Variants in PPP2R3A observed in about 807,000 individuals in gnomAD.
PPP2R3A encodes the protein protein phosphatase 2 regulatory subunit B''alpha, also known as serine/threonine-protein phosphatase 2A regulatory subunit B'' subunit alpha.
In PPP2R3A, 80 loss-of-function variants were observed where a neutral mutation model predicts 106.9. The ratio of observed to expected loss-of-function variants is 0.75; its 90% confidence interval spans 0.62 to 0.90. The LOEUF (loss-of-function observed/expected upper bound fraction) is 0.90, where lower values mean the gene tolerates loss of function less well. PPP2R3A is among the 40% of genes least tolerant of loss of function. The pLI is 0.00. For synonymous variants in PPP2R3A, 483 were observed against 468.3 expected (o/e 1.03, Z -0.41); for missense variants, 1,386 against 1,350.4 (o/e 1.03, Z -0.41).
At chr3:136,023,249 A>C (rs1363358043) in intron 2 of PPP2R3A, 1 of 1,001,188 alleles carries the variant, frequency 1.0e-6, no homozygotes, top group Admixed American at 2.7e-5. Context: ...TTTGTTTTGA[A>C]AATATTTTTA....
At chr3:136,139,691 CAAA>C (rs778189558) in intron 13 of PPP2R3A, among the ~76,000 whole-genome samples, 1,371 of 54,704 alleles carry the variant, frequency 0.025, 23 homozygotes, top group East Asian at 0.11. Context: ...GACTCCATCT[CAAA>C]AAAAAAAAAA....
At chr3:136,013,230 C>G (rs1008446073) in intron 2 of PPP2R3A, among the ~76,000 whole-genome samples, 1 of 146,792 alleles carries the variant, frequency 6.8e-6, no homozygotes. Context: ...ATGTATGTAT[C>G]ACATTTTGTT....
chr3:136,133,111 T>C (rs1938486704), intron 13 of PPP2R3A, among the ~76,000 whole-genome samples: 2 of 151,936 alleles, frequency 1.3e-5, no homozygotes, highest in Admixed American at 6.6e-5. Context: ...CAAAGGAAAA[T>C]CTTTGTGACC....
intron 2 of PPP2R3A, among the ~76,000 whole-genome samples, chr3:136,021,542 T>C (rs1339630925): frequency 6.6e-6 from 1 of 152,096 alleles, no homozygotes; most frequent in African/African-American, 2.4e-5. Context: ...TAGGAAACAG[T>C]GGAAAACCAA....
chr3:136,114,775 A>T (rs1471813622), intron 13 of PPP2R3A, among the ~76,000 whole-genome samples: 3 of 152,234 alleles, frequency 2.0e-5, no homozygotes, highest in Non-Finnish European at 4.4e-5. Context: ...AAAGGCAGCA[A>T]CTACAGTCAG....
chr3:136,004,192 A>C (rs1352311764), intron 2 of PPP2R3A, among the ~76,000 whole-genome samples: 1 of 152,216 alleles, frequency 6.6e-6, no homozygotes, highest in East Asian at 1.9e-4. Flanking sequence ...CCATCCCCCT[A>C]CTGAAAGCAC....
At chr3:136,114,989 G>C (rs1241975107) in intron 13 of PPP2R3A, among the ~76,000 whole-genome samples, 1 of 152,160 alleles carries the variant, frequency 6.6e-6, no homozygotes, top group East Asian at 1.9e-4. Context: ...CTCCCAGTAG[G>C]GGCCAACAGA....
chr3:136,053,896 CCTT>C (rs761869917), intron 5 of PPP2R3A, among the ~76,000 whole-genome samples: 27 of 152,146 alleles, frequency 1.8e-4, no homozygotes, highest in Non-Finnish European at 3.4e-4. Context: ...ACTACCTTGT[CCTT>C]CTTAAACATG....
At position 136,012,634 on chromosome 3, in the gene PPP2R3A, G is replaced by A. The variant is rs374971845; in HGVS notation, c.1995+9141G>A. On this transcript the variant is annotated intron_variant, in intron 2 of 13. Coordinates refer to ENST00000264977, the MANE Select transcript of PPP2R3A (RefSeq NM_002718.5). ...AAAAAAAAATAGTAACACAGAACAA[G>A]CCACTAAATAATGAAGAAAACACCA... 1.3e-4 allele frequency among the ~76,000 whole-genome samples: 19 copies of A among 151,846 alleles called. No individual in the cohort carries two copies. In the South Asian group the frequency reaches 4.0e-3, roughly 32 times the overall value.
chr3:136,099,189 G>GA (rs555699709), intron 10 of PPP2R3A, among the ~76,000 whole-genome samples: 94 of 152,074 alleles, frequency 6.2e-4, no homozygotes, highest in African/African-American at 2.1e-3. Context: ...CATCCCCAAG[G>GA]AAAAAAACCA....
At chr3:136,115,363 T>C (rs1014434802) in intron 13 of PPP2R3A, among the ~76,000 whole-genome samples, 3 of 152,052 alleles carry the variant, frequency 2.0e-5, no homozygotes, top group South Asian at 4.1e-4. Flanking sequence ...CACAACTCCT[T>C]GCCAGCAAGG....
intron 13 of PPP2R3A, among the ~76,000 whole-genome samples, chr3:136,144,109 A>T (rs1939000263): frequency 6.6e-6 from 1 of 152,234 alleles, no homozygotes; most frequent in Non-Finnish European, 1.5e-5. Context: ...AAAATATTTC[A>T]TCTCTGCCTA....
chr3:135,999,430 T>G (rs960474239), intron 1 of PPP2R3A, among the ~76,000 whole-genome samples: 2 of 152,164 alleles, frequency 1.3e-5, no homozygotes, highest in Admixed American at 6.5e-5. Flanking sequence ...GTGGATTAGA[T>G]TCCATGTCTA....
At chr3:136,010,673 A>C (rs1934036428) in intron 2 of PPP2R3A, among the ~76,000 whole-genome samples, 1 of 151,880 alleles carries the variant, frequency 6.6e-6, no homozygotes, top group East Asian at 2.0e-4. Context: ...TGATCCGCCC[A>C]CCTCGGCCTC....
At chr3:136,055,409 G>T in intron 5 of PPP2R3A, 1 of 1,001,342 alleles carries the variant, frequency 1.0e-6, no homozygotes, top group Non-Finnish European at 1.6e-6. Context: ...ATCCCCTGTT[G>T]CTCTCCGAGG....
intron 13 of PPP2R3A, chr3:136,106,564 G>A: frequency 4.0e-6 from 2 of 494,634 alleles, no homozygotes; most frequent in Non-Finnish European, 7.2e-6. Flanking sequence ...CGAGATCACT[G>A]AACAATCAAA....
chr3:135,997,151 C>A (rs573023009), intron 1 of PPP2R3A, among the ~76,000 whole-genome samples: 3 of 152,252 alleles, frequency 2.0e-5, no homozygotes, highest in African/African-American at 7.2e-5. Context: ...CGTTTTATAG[C>A]CCTCCTTTTC....
At chr3:136,039,174 G>A (rs1158837009) in intron 3 of PPP2R3A, among the ~76,000 whole-genome samples, 1 of 152,182 alleles carries the variant, frequency 6.6e-6, no homozygotes, top group Non-Finnish European at 1.5e-5. Flanking sequence ...CTTCACCTAA[G>A]CCTAAGGTGG....
chr3:136,072,971 G>C (rs923940696), intron 6 of PPP2R3A, among the ~76,000 whole-genome samples: 2 of 151,978 alleles, frequency 1.3e-5, no homozygotes, highest in Non-Finnish European at 2.9e-5. Flanking sequence ...GTTTTTGTTT[G>C]TTTGGGTTTT....
Sources: gnomAD v4.1 joint callset for allele counts (sites outside exome capture counted in the v4.1 genomes callset) on GRCh38, gnomAD v4.1.1 for gene constraint, MANE v1.5 for transcripts, NCBI Gene and HGNC (gene_info 2026-07-23, HGNC 2026-07-21) for gene names.